STAT5A: variants seen among roughly 807,000 people sequenced by gnomAD.
The protein encoded by STAT5A is signal transducer and activator of transcription 5A.
A neutral mutation model predicts 100.2 loss-of-function variants in STAT5A; 26 were observed. The observed-to-expected ratio is 0.26, with a 90% CI of 0.19 to 0.36. The LOEUF (loss-of-function observed/expected upper bound fraction) is 0.36, where lower values mean the gene tolerates loss of function less well. STAT5A is among the 10% of genes least tolerant of loss of function. The pLI is 1.00. For missense variants in STAT5A, 634 were observed against 1,027.5 expected, an observed-to-expected ratio of 0.62 and a Z score of 5.24; for synonymous variants, 330 against 424.3, an observed-to-expected ratio of 0.78 and a Z score of 2.73.
At chr17:42,289,183 A>G in intron 1 of STAT5A, 1 of 471,966 alleles carries the variant, frequency 2.1e-6, no homozygotes, top group Non-Finnish European at 3.7e-6. Context: ...CTGCCTCTGC[A>G]GAGCACCTTC....
At chr17:42,301,776 C>A (rs1033672406) in intron 9 of STAT5A, among the ~76,000 whole-genome samples, 7 of 152,162 alleles carry the variant, frequency 4.6e-5, no homozygotes, top group African/African-American at 1.7e-4. Flanking sequence ...TGCTTCACAC[C>A]ATTGTAAATT....
At chr17:42,305,525 A>G in intron 11 of STAT5A, 85 bp from the exon 12 acceptor site, 1 of 1,157,626 alleles carries the variant, frequency 8.6e-7, no homozygotes. Flanking sequence ...ACATAAAAAA[A>G]AATAAAGCAG....
intron 13 of STAT5A, 54 bp downstream of exon 13, chr17:42,306,501 C>T (rs2081030202): frequency 1.3e-6 from 2 of 1,565,196 alleles, no homozygotes; most frequent in Admixed American, 3.8e-5. Flanking sequence ...TCTGTTGCTC[C>T]TCCACCTCAC....
Position 42,292,081 on chromosome 17 carries a change from G to T in STAT5A, c.375+20G>T. ...AACAATGTGAGTGTCCCTTGGGGATGGGGAGGAGTGTTGAGAAGTCCCTCC... is the reference window on the plus strand; with the variant it reads ...AACAATGTGAGTGTCCCTTGGGGATTGGGAGGAGTGTTGAGAAGTCCCTCC... On this transcript the variant is annotated intron_variant, in intron 4 of 18. Transcript: ENST00000590949. 2 of 1,613,112 alleles carry T rather than the reference G, an allele frequency of 1.2e-6. No homozygotes were observed. The highest frequency in any genetic ancestry group is 1.3e-5 in the African/African-American group (1 of 75,010).
upstream of STAT5A, chr17:42,288,083 C>T (rs1026365332): frequency 3.9e-5 from 6 of 152,226 alleles, no homozygotes; most frequent in Non-Finnish European, 8.8e-5. The surrounding 1 kb of genome is among the most constrained non-coding windows in gnomAD (Gnocchi z 4.8). Flanking sequence ...CGCGCCAGAG[C>T]TGGAAGGCGT....
At chr17:42,292,958 A>G (rs567034050) in intron 4 of STAT5A, among the ~76,000 whole-genome samples, 1 of 152,144 alleles carries the variant, frequency 6.6e-6, no homozygotes, top group African/African-American at 2.4e-5. Flanking sequence ...GGAGATAGCA[A>G]TCATACCTAT....
chr17:42,309,628 G>A, intron 18 of STAT5A, 144 bp downstream of exon 18: 1 of 760,438 alleles, frequency 1.3e-6, no homozygotes, highest in South Asian at 1.9e-5. Context: ...GGAAAACAGA[G>A]CATTTTGAAG....
At chr17:42,303,416 C>T (rs988471882) in intron 9 of STAT5A, among the ~76,000 whole-genome samples, 4 of 150,230 alleles carry the variant, frequency 2.7e-5, no homozygotes. Flanking sequence ...GAAGTTAAGA[C>T]AGAGCAATCT....
chr17:42,302,890 C>T (rs924035227), intron 9 of STAT5A, among the ~76,000 whole-genome samples: 3 of 151,152 alleles, frequency 2.0e-5, no homozygotes, highest in African/African-American at 4.9e-5. Context: ...CGGAGGTGGA[C>T]GTGGCAGTGA....
In STAT5A at chr17:42,289,959, C is replaced by G; in HGVS notation, c.222C>G (p.His74Gln). 5.6e-6 allele frequency: 9 copies of G among 1,611,448 alleles called. No homozygotes were observed. Among genetic ancestry groups the G allele is most frequent in the Non-Finnish European group, 7.6e-6 (9 of 1,179,068 alleles). ...LVQELQKKAE[H>Q]QVGEDGFLLK... ...AGGAGCTGCAGAAGAAGGCGGAGCA[C>G]CAGGTGGGGGAAGATGGGTTTTTAC... The change falls in exon 3 of 19, where the codon CAC becomes CAG. Residue 74 changes from histidine to glutamine, a missense_variant. Physicochemically the swap from His to Gln is conservative, Grantham distance 24. Transcript: ENST00000590949.
intron 4 of STAT5A, among the ~76,000 whole-genome samples, chr17:42,294,882 T>C (rs191300566): frequency 1.5e-4 from 22 of 150,506 alleles, no homozygotes; most frequent in African/African-American, 5.2e-4. Flanking sequence ...TGTGACCTGG[T>C]TTCTACCCCT....
At position 42,309,449 on chromosome 17, in the gene STAT5A, G is replaced by A. The variant is rs552732197; in HGVS notation, c.2187G>A (p.Val729=). The stretch of plus-strand genomic sequence containing the variant: ...TGGACCAGGCCCCCTCCCCAGCTGT[G>A]TGCCCCCAGGCTCCCTATAACATGT... ...TYMDQAPSPA[V]CPQAPYNMYP... The change falls in exon 18 of 19, where the codon GTG becomes GTA. Residue 729 remains valine, a synonymous_variant. Coordinates refer to ENST00000590949, the MANE Select transcript of STAT5A (RefSeq NM_001288718.2). The A allele has an allele frequency of 3.9e-5, 63 of 1,613,858 alleles. No homozygotes were observed. Among genetic ancestry groups the A allele is most frequent in the Admixed American group, 5.0e-5 (3 of 60,000 alleles).
chr17:42,291,631 G>T (rs1466592348), intron 3 of STAT5A, among the ~76,000 whole-genome samples: 1 of 151,848 alleles, frequency 6.6e-6, no homozygotes, highest in African/African-American at 2.4e-5. Flanking sequence ...AAGGAGAATC[G>T]CTTGAACCCG....
chr17:42,292,638 C>A (rs2080881496), intron 4 of STAT5A, among the ~76,000 whole-genome samples: 2 of 140,634 alleles, frequency 1.4e-5, no homozygotes. Context: ...ACTGTTTTTT[C>A]CCCCCCGAGA....
At chr17:42,299,980 G>A (rs900306818) in intron 6 of STAT5A, 99 bp downstream of exon 6, 14 of 1,379,312 alleles carry the variant, frequency 1.0e-5, no homozygotes, top group Non-Finnish European at 1.4e-5. Context: ...CAGAACCTGG[G>A]AGGGCAGGAG....
intron 14 of STAT5A, 22 bp downstream of exon 14, chr17:42,307,518 G>C (rs199698546): frequency 1.2e-6 from 2 of 1,613,978 alleles, no homozygotes; most frequent in Admixed American, 3.3e-5. Context: ...GGGCTGCAGG[G>C]TCAGGGGCCA....
At chr17:42,289,630 T>C in intron 2 of STAT5A, 91 bp downstream of exon 2, 1 of 1,528,704 alleles carries the variant, frequency 6.5e-7, no homozygotes, top group Non-Finnish European at 8.8e-7. Flanking sequence ...TTGGTGTGAC[T>C]CTGGTCCTGC....
chr17:42,290,124 G>T, intron 3 of STAT5A, 102 bp downstream of exon 3: 1 of 1,384,306 alleles, frequency 7.2e-7, no homozygotes, highest in South Asian at 1.7e-5. Context: ...CTCACCATGT[G>T]ACCACGAACT....
chr17:42,304,093 A>G lies in STAT5A; in HGVS notation c.1170-249A>G, dbSNP rs753291661. 7.6e-6 allele frequency: 4 copies of G among 526,714 alleles called. No individual in the cohort carries two copies. Among genetic ancestry groups the G allele is most frequent in the African/African-American group, 1.9e-5 (1 of 52,902 alleles). 32.6% of individuals were successfully genotyped at this position (526,714 alleles called of 1,614,324 possible). A position where few individuals can be genotyped will look rare whatever the true frequency, so the allele number is the denominator to read the frequency against. On this transcript the variant is annotated intron_variant, in intron 9 of 18. Transcript: ENST00000590949. This position sits in a 1 kb window ranked among gnomAD's most constrained non-coding sequence, Gnocchi z 4.8. ...GGAAGTCCCCAAAGCCCTCACATCA[A>G]TCTTGGTATCGAGGAATTTCTAATG...
Sources: gnomAD v4.1 joint callset for allele counts (sites outside exome capture counted in the v4.1 genomes callset) on GRCh38, gnomAD v4.1.1 for gene constraint, Gnocchi (gnomAD v3.1) non-coding constraint, MANE v1.5 for transcripts, NCBI Gene and HGNC (gene_info 2026-07-23, HGNC 2026-07-21) for gene names.